The following NBEA variants were observed in gnomAD, a reference collection of about 807,000 sequenced individuals.
The protein encoded by NBEA is neurobeachin.
NBEA carries 44 observed loss-of-function variants against 343.4 expected under a neutral mutation model. The observed-to-expected ratio is 0.13, with a 90% CI of 0.10 to 0.16. The LOEUF is 0.16. Among genes scored for constraint, NBEA ranks in the 10% least tolerant of loss-of-function variants. NBEA has a pLI of 1.00. For synonymous variants in NBEA, 1,175 were observed against 1,238.7 expected (o/e 0.95, Z 1.08); for missense variants, 2,555 against 3,631.3 (o/e 0.70, Z 7.62).
chr13:35,050,193 A>T (rs1218726938), intron 5 of NBEA, 76 bp from the exon 6 acceptor site: 72 of 1,355,462 alleles, frequency 5.3e-5, no homozygotes, highest in Middle Eastern at 2.7e-4. Flanking sequence ...TTATTTTTAT[A>T]AGAATGTTTA....
In NBEA at chr13:34,942,546, C is replaced by T; in HGVS notation, c.-275C>T. On this transcript the variant is annotated 5_prime_UTR_variant, in exon 1 of 59. Transcript: ENST00000379939. ...GCGGCGGCGGCAGCGGCAGCGGCAG[C>T]GGCACACCTGCTGGGCGGGCACAGC... 1 of 214,932 alleles carries T rather than the reference C, an allele frequency of 4.7e-6. No homozygotes were observed. Among genetic ancestry groups the T allele is most frequent in the Non-Finnish European group, 8.9e-6 (1 of 112,816 alleles). 13.3% of individuals were successfully genotyped at this position (214,932 alleles called of 1,614,324 possible). A position where few individuals can be genotyped will look rare whatever the true frequency, so the allele number is the denominator to read the frequency against.
At chr13:35,472,631 A>C in intron 41 of NBEA, 95 bp downstream of exon 41, 3 of 1,225,204 alleles carry the variant, frequency 2.4e-6, no homozygotes, top group Non-Finnish European at 2.4e-6. Flanking sequence ...GGAGGAGGGG[A>C]GCACATTCTC....
chr13:35,239,224 C>A (rs951110125), intron 34 of NBEA, among the ~76,000 whole-genome samples: 2 of 151,986 alleles, frequency 1.3e-5, no homozygotes, highest in Non-Finnish European at 2.9e-5. Context: ...AACTAGGTGA[C>A]AGGTATCTCA....
chr13:35,186,935 T>C (rs1384991258), intron 30 of NBEA, among the ~76,000 whole-genome samples: 1 of 152,122 alleles, frequency 6.6e-6, no homozygotes, highest in African/African-American at 2.4e-5. Flanking sequence ...TGTAATTTTA[T>C]GTCTGCCTAA....
chr13:35,581,692 A>T (rs868285737), intron 45 of NBEA, among the ~76,000 whole-genome samples: 5 of 128,482 alleles, frequency 3.9e-5, no homozygotes, highest in Non-Finnish European at 4.7e-5. Context: ...ATGAGAACAC[A>T]TGGACACAGG....
chr13:35,141,222 C>T (rs2068072422), intron 17 of NBEA, among the ~76,000 whole-genome samples: 1 of 152,070 alleles, frequency 6.6e-6, no homozygotes, highest in South Asian at 2.1e-4. Flanking sequence ...AAATGAAATA[C>T]TGAGAATTGG....
chr13:35,524,661 C>T lies in NBEA; in HGVS notation c.6586-25816C>T, dbSNP rs184031349. Among the ~76,000 whole-genome samples, 241 of 152,274 alleles carry T rather than the reference C, an allele frequency of 1.6e-3. 1 individual carries two copies. The highest frequency in any genetic ancestry group is 4.3e-3 in the African/African-American group (180 of 41,562). On this transcript the variant is annotated intron_variant, in intron 41 of 58. Transcript: ENST00000379939. ...AAGGAAAAAAACAAATGCTGAAATA[C>T]ACCACTTGGATTTTATTTAATATTA...
At chr13:35,644,558 C>T (rs768895412) in intron 49 of NBEA, among the ~76,000 whole-genome samples, 2 of 152,138 alleles carry the variant, frequency 1.3e-5, no homozygotes, top group East Asian at 1.9e-4. Context: ...ATTTTACCCC[C>T]GGCTCCTCGC....
chr13:35,407,632 T>C (rs9544266), intron 38 of NBEA, among the ~76,000 whole-genome samples: 82,783 of 152,000 alleles, frequency 0.54, 24,718 homozygotes, highest in South Asian at 0.68. Flanking sequence ...GTCTGTCCAC[T>C]TTAACATTTC....
intron 13 of NBEA, among the ~76,000 whole-genome samples, chr13:35,115,040 A>G (rs1428396349): frequency 1.3e-5 from 2 of 152,076 alleles, no homozygotes; most frequent in Admixed American, 1.3e-4. Context: ...TTAAATTATT[A>G]TTATATATAG....
chr13:35,028,792 A>G (rs1028150853), intron 1 of NBEA, among the ~76,000 whole-genome samples: 1 of 148,870 alleles, frequency 6.7e-6, no homozygotes, highest in African/African-American at 2.5e-5. Flanking sequence ...CCCCTTCCTC[A>G]TCTTTGGTAA....
At chr13:35,518,336 G>C (rs1318045203) in intron 41 of NBEA, among the ~76,000 whole-genome samples, 2 of 151,950 alleles carry the variant, frequency 1.3e-5, no homozygotes, top group Non-Finnish European at 2.9e-5. Flanking sequence ...TAAAATGTAG[G>C]TACTATTTAT....
chr13:35,120,122 T>C (rs1479675167), intron 16 of NBEA, among the ~76,000 whole-genome samples: 1 of 152,222 alleles, frequency 6.6e-6, no homozygotes, highest in Non-Finnish European at 1.5e-5. Flanking sequence ...ATTACTCTTG[T>C]AGAAGATACC....
chr13:34,959,916 GATA>G (rs775395293), intron 1 of NBEA, among the ~76,000 whole-genome samples: 9 of 152,068 alleles, frequency 5.9e-5, no homozygotes, highest in Non-Finnish European at 1.2e-4. Context: ...CATAATACTT[GATA>G]ATAAGCAGCT....
chr13:35,149,414 C>A (rs987620983), intron 18 of NBEA, among the ~76,000 whole-genome samples: 2 of 152,074 alleles, frequency 1.3e-5, no homozygotes, highest in Middle Eastern at 3.4e-3. Context: ...TGAAAACAGA[C>A]AAACTAAGAC....
At chr13:35,360,590 T>A (rs575507337) in intron 38 of NBEA, among the ~76,000 whole-genome samples, 1 of 152,152 alleles carries the variant, frequency 6.6e-6, no homozygotes, top group African/African-American at 2.4e-5. Flanking sequence ...ACCTTTATTA[T>A]CATCTTCCAT....
At chr13:35,290,026 C>T (rs550702495) in intron 34 of NBEA, among the ~76,000 whole-genome samples, 4 of 151,770 alleles carry the variant, frequency 2.6e-5, no homozygotes, top group African/African-American at 7.2e-5. Flanking sequence ...ATGTCATTGG[C>T]GTAATAGCAG....
At chr13:35,476,149 A>T (rs1366822848) in intron 41 of NBEA, 4 of 1,613,576 alleles carry the variant, frequency 2.5e-6, no homozygotes, top group Non-Finnish European at 3.4e-6. Context: ...GTTGGGGCAG[A>T]GATCCGGATT....
chr13:35,320,133 C>G (rs1480173678), intron 36 of NBEA, among the ~76,000 whole-genome samples: 2 of 152,188 alleles, frequency 1.3e-5, no homozygotes, highest in Non-Finnish European at 1.5e-5. Context: ...TTGATCCTGT[C>G]ATTATGACGC....
Sources: allele counts gnomAD v4.1 joint callset (sites outside exome capture counted in the v4.1 genomes callset), GRCh38; gene constraint gnomAD v4.1.1; transcripts MANE v1.5; gene names NCBI Gene and HGNC (gene_info 2026-07-23, HGNC 2026-07-21).